Variants in RBFOX1 observed in about 807,000 individuals in gnomAD.
RBFOX1 encodes the protein RNA binding fox-1 homolog 1.
Under a neutral mutation model 57.7 loss-of-function variants are expected in RBFOX1, and 8 were observed. The ratio of observed to expected loss-of-function variants is 0.14; its 90% CI spans 0.08 to 0.25. RBFOX1 has a LOEUF of 0.25. Among genes scored for constraint, RBFOX1 ranks in the 10% least tolerant of loss-of-function variants. The probability of loss-of-function intolerance (pLI) is 1.00; values close to 1 mark genes in which losing one functional copy is unlikely to be tolerated. For missense variants in RBFOX1, 611 were observed against 548.5 expected, an observed-to-expected ratio of 1.11 and a Z score of -1.14; for synonymous variants, 326 against 222.4, an observed-to-expected ratio of 1.47 and a Z score of -4.15.
chr16:7,686,977 C>T (rs770121871), intron 14 of RBFOX1, among the ~76,000 whole-genome samples: 1 of 152,056 alleles, frequency 6.6e-6, no homozygotes. Flanking sequence ...CAGACCTTAT[C>T]TTCTTTCTGT....
intron 4 of RBFOX1, among the ~76,000 whole-genome samples, chr16:7,260,689 C>T (rs1291024128): frequency 6.6e-6 from 1 of 151,240 alleles, no homozygotes; most frequent in Non-Finnish European, 1.5e-5. Context: ...CTCTAATGTT[C>T]TAATGAGAAT....
intron 4 of RBFOX1, among the ~76,000 whole-genome samples, chr16:7,430,760 C>G (rs2098671568): frequency 6.6e-6 from 1 of 152,158 alleles, no homozygotes; most frequent in Admixed American, 6.5e-5. Flanking sequence ...GGCCAGGGTC[C>G]ACACAGGAAG....
intron 4 of RBFOX1, among the ~76,000 whole-genome samples, chr16:5,875,735 T>G (rs569141482): frequency 2.8e-4 from 42 of 152,258 alleles, no homozygotes; most frequent in Non-Finnish European, 5.7e-4. Context: ...CTGTGAAAAT[T>G]GATTAAGGGT....
chr16:5,721,561 A>T (rs958680102), intron 3 of RBFOX1, among the ~76,000 whole-genome samples: 5 of 152,296 alleles, frequency 3.3e-5, no homozygotes, highest in Non-Finnish European at 7.3e-5. Context: ...AGGGGAAGGC[A>T]TTCAGTCTTC....
At chr16:6,709,033 C>T (rs1404390801) in intron 3 of RBFOX1, among the ~76,000 whole-genome samples, 2 of 151,882 alleles carry the variant, frequency 1.3e-5, no homozygotes, top group East Asian at 1.9e-4. Context: ...CTAATTACAC[C>T]ATCTCCCCAG....
intron 3 of RBFOX1, among the ~76,000 whole-genome samples, chr16:6,884,983 T>C (rs1487102897): frequency 6.6e-6 from 1 of 152,218 alleles, no homozygotes; most frequent in African/African-American, 2.4e-5. Context: ...TATCTTATTC[T>C]AAAGCTTTGG....
chr16:7,213,528 T>C (rs1456866276), intron 4 of RBFOX1, among the ~76,000 whole-genome samples: 1 of 150,542 alleles, frequency 6.6e-6, no homozygotes, highest in African/African-American at 2.5e-5. Context: ...GCATGGCTTT[T>C]CCTAATTCTC....
At chr16:7,305,141 GT>G (rs1305843885) in intron 4 of RBFOX1, among the ~76,000 whole-genome samples, 4 of 151,042 alleles carry the variant, frequency 2.6e-5, no homozygotes, top group South Asian at 2.1e-4. Flanking sequence ...GCGTGTGTGG[GT>G]TTTTTTTTCC....
intron 3 of RBFOX1, among the ~76,000 whole-genome samples, chr16:6,810,706 G>T (rs1278265215): frequency 6.6e-6 from 1 of 152,108 alleles, no homozygotes; most frequent in Non-Finnish European, 1.5e-5. Flanking sequence ...CACGGTGGAA[G>T]GCAAAAGGGA....
intron 2 of RBFOX1, chr16:6,483,308 G>C: frequency 7.1e-7 from 1 of 1,401,912 alleles, no homozygotes; most frequent in Non-Finnish European, 9.3e-7. Context: ...TCTCGCGCCC[G>C]CGCGCTCGGG....
At chr16:5,552,566 C>G (rs1476767558) in intron 2 of RBFOX1, among the ~76,000 whole-genome samples, 1 of 152,152 alleles carries the variant, frequency 6.6e-6, no homozygotes, top group Non-Finnish European at 1.5e-5. Flanking sequence ...TTCTCTCCAC[C>G]CACAGGAATT....
intron 3 of RBFOX1, among the ~76,000 whole-genome samples, chr16:5,716,710 G>GAGC (rs1852018415): frequency 6.6e-6 from 1 of 152,206 alleles, no homozygotes; most frequent in Admixed American, 6.5e-5. Context: ...GAGCTGCAGT[G>GAGC]AGCATAGGTG....
intron 2 of RBFOX1, among the ~76,000 whole-genome samples, chr16:6,476,092 G>T (rs2095267681): frequency 6.6e-6 from 1 of 152,080 alleles, no homozygotes; most frequent in Admixed American, 6.6e-5. Flanking sequence ...AAATGTTATT[G>T]GTACAATGTC....
chr16:7,338,703 C>A (rs1176266610), intron 4 of RBFOX1, among the ~76,000 whole-genome samples: 1 of 152,170 alleles, frequency 6.6e-6, no homozygotes, highest in Non-Finnish European at 1.5e-5. Flanking sequence ...TATGTAGTAA[C>A]AATGCAAATT....
intron 2 of RBFOX1, among the ~76,000 whole-genome samples, chr16:5,558,965 G>A (rs571717065): frequency 8.8e-4 from 134 of 152,174 alleles, no homozygotes; most frequent in Non-Finnish European, 1.7e-3. Flanking sequence ...AGGCATGCCA[G>A]GTGGGTCAGA....
At chr16:6,434,290 G>A (rs1252877643) in intron 2 of RBFOX1, among the ~76,000 whole-genome samples, 2 of 152,124 alleles carry the variant, frequency 1.3e-5, no homozygotes, top group African/African-American at 2.4e-5. Flanking sequence ...TGGAGATGAG[G>A]ACATGGACGT....
chr16:5,299,006 C>T (rs1020217185), intron 1 of RBFOX1, among the ~76,000 whole-genome samples: 1 of 138,002 alleles, frequency 7.2e-6, no homozygotes, highest in African/African-American at 2.8e-5. Context: ...CTTGCATACA[C>T]CCACACAACC....
At chr16:5,558,675 C>T (rs1476088396) in intron 2 of RBFOX1, among the ~76,000 whole-genome samples, 9 of 152,144 alleles carry the variant, frequency 5.9e-5, no homozygotes, top group Admixed American at 3.3e-4. Context: ...TTCCTGCCAT[C>T]GTCTCAGTCT....
chr16:5,632,187 G>C (rs2215249), intron 3 of RBFOX1, among the ~76,000 whole-genome samples: 1 of 152,128 alleles, frequency 6.6e-6, no homozygotes, highest in Non-Finnish European at 1.5e-5. Flanking sequence ...TATGCATTCA[G>C]TATACTAAAA....
Sources: gnomAD v4.1 joint callset for allele counts (sites outside exome capture counted in the v4.1 genomes callset) on GRCh38, gnomAD v4.1.1 for gene constraint, MANE v1.5 for transcripts, NCBI Gene and HGNC (gene_info 2026-07-23, HGNC 2026-07-21) for gene names.